BICC1: variants seen among roughly 807,000 people sequenced by gnomAD.
BICC1 encodes the protein BicC family RNA binding protein 1, also known as protein bicaudal C homolog 1.
BICC1 carries 43 observed loss-of-function variants against 111.0 expected under a neutral mutation model. The ratio of observed to expected loss-of-function variants is 0.39; its 90% CI spans 0.30 to 0.50. BICC1 has a LOEUF of 0.50. Among genes scored for constraint, BICC1 ranks in the 20% least tolerant of loss-of-function variants. BICC1 has a pLI of 0.88. For synonymous variants in BICC1, 467 were observed against 434.4 expected (o/e 1.07, Z -0.93); for missense variants, 1,091 against 1,203.2 (o/e 0.91, Z 1.38).
intron 3 of BICC1, among the ~76,000 whole-genome samples, chr10:58,737,002 G>T (rs984766062): frequency 5.3e-5 from 8 of 151,616 alleles, no homozygotes; most frequent in Admixed American, 2.6e-4. Context: ...TATTACACTA[G>T]AATATTTAAA....
chr10:58,709,295 T>C (rs1840498822), intron 3 of BICC1, among the ~76,000 whole-genome samples: 1 of 152,232 alleles, frequency 6.6e-6, no homozygotes, highest in Non-Finnish European at 1.5e-5. Context: ...CTCTTCCACA[T>C]ATGAGTGAGA....
At position 58,735,900 on chromosome 10, in the gene BICC1, T is replaced by A. The variant is rs180949481; in HGVS notation, c.307+33757T>A. ...CCCAAATAAACTTGGGATCTCCTCC[T>A]AAAATTGTCCCCACTTCAGTGTTCC... is the stretch of plus-strand genomic sequence containing the variant. On this transcript the variant is annotated intron_variant, in intron 3 of 20. Coordinates refer to ENST00000373886, the MANE Select transcript of BICC1 (RefSeq NM_001080512.3). Among the ~76,000 whole-genome samples the A allele has an allele frequency of 2.5e-3, 387 of 152,326 alleles. 3 individuals are homozygous for A. The highest frequency in any genetic ancestry group is 8.8e-3 in the African/African-American group (364 of 41,586).
chr10:58,740,174 G>A (rs1841612803), intron 3 of BICC1, among the ~76,000 whole-genome samples: 1 of 152,152 alleles, frequency 6.6e-6, no homozygotes, highest in South Asian at 2.1e-4. Flanking sequence ...CTGGCACTAG[G>A]CTCCCAGGGA....
chr10:58,803,454 A>G (rs541554463), intron 15 of BICC1, among the ~76,000 whole-genome samples: 2 of 152,358 alleles, frequency 1.3e-5, no homozygotes, highest in Admixed American at 6.5e-5. Flanking sequence ...TCTTTAAAAT[A>G]TATTAAAAAT....
At chr10:58,769,209 A>G (rs1564603243) in intron 3 of BICC1, among the ~76,000 whole-genome samples, 1 of 151,722 alleles carries the variant, frequency 6.6e-6, no homozygotes, top group Admixed American at 6.6e-5. Context: ...TTGGAGACCT[A>G]GTGTACAGTG....
intron 3 of BICC1, among the ~76,000 whole-genome samples, chr10:58,721,004 C>A (rs1840921653): frequency 6.6e-6 from 1 of 152,146 alleles, no homozygotes; most frequent in Admixed American, 6.5e-5. Context: ...ATCTCAAGGG[C>A]CTGATCTGTG....
At chr10:58,769,662 T>C (rs1842569557) in intron 3 of BICC1, among the ~76,000 whole-genome samples, 1 of 151,918 alleles carries the variant, frequency 6.6e-6, no homozygotes, top group Non-Finnish European at 1.5e-5. Context: ...TATATTTACA[T>C]AAACAGTTCT....
chr10:58,655,368 G>C (rs999987027), intron 2 of BICC1, among the ~76,000 whole-genome samples: 2 of 126,982 alleles, frequency 1.6e-5, no homozygotes, highest in African/African-American at 6.0e-5. Context: ...TTGAGCAGTG[G>C]TTTGTAGTTC....
chr10:58,800,550 G>T (rs559686753), intron 13 of BICC1, among the ~76,000 whole-genome samples: 1 of 152,156 alleles, frequency 6.6e-6, no homozygotes, highest in Admixed American at 6.5e-5. Flanking sequence ...CCATTACATT[G>T]TAAGTTCCTG....
At chr10:58,659,364 A>G (rs191862494) in intron 2 of BICC1, among the ~76,000 whole-genome samples, 120 of 152,334 alleles carry the variant, frequency 7.9e-4, no homozygotes, top group African/African-American at 2.7e-3. Flanking sequence ...GGATAAAGAA[A>G]ATGTGGTACA....
At chr10:58,592,957 G>A (rs66741422) in intron 1 of BICC1, among the ~76,000 whole-genome samples, 37,117 of 149,312 alleles carry the variant, frequency 0.25, 5,112 homozygotes, top group East Asian at 0.46. Context: ...CCCTGACAGA[G>A]CCCAGCACAC....
At chr10:58,771,366 T>G (rs1004705742) in intron 3 of BICC1, among the ~76,000 whole-genome samples, 1 of 152,190 alleles carries the variant, frequency 6.6e-6, no homozygotes. Context: ...GTTCTAAAAC[T>G]TGATACATAG....
chr10:58,728,350 C>G (rs756598402), intron 3 of BICC1, among the ~76,000 whole-genome samples: 20 of 152,192 alleles, frequency 1.3e-4, no homozygotes, highest in Non-Finnish European at 2.5e-4. Context: ...GACAAAGAAC[C>G]CATGTTCTTT....
chr10:58,536,134 G>A (rs1842820565), intron 1 of BICC1, among the ~76,000 whole-genome samples: 6 of 151,610 alleles, frequency 4.0e-5, no homozygotes. Flanking sequence ...AATAGTAGAG[G>A]GCTTTCACTC....
chr10:58,711,808 G>T (rs74149302), intron 3 of BICC1, among the ~76,000 whole-genome samples: 1,796 of 142,080 alleles, frequency 0.013, 17 homozygotes, highest in African/African-American at 0.029. Context: ...TTTTTTTTTT[G>T]TTTTTTTTTT....
chr10:58,590,878 T>C (rs1844592528), intron 1 of BICC1, among the ~76,000 whole-genome samples: 1 of 152,210 alleles, frequency 6.6e-6, no homozygotes, highest in Non-Finnish European at 1.5e-5. Context: ...TGCCAATCCT[T>C]AGGAAACAGT....
chr10:58,651,239 C>G (rs1838438811), intron 2 of BICC1, among the ~76,000 whole-genome samples: 1 of 152,166 alleles, frequency 6.6e-6, no homozygotes, highest in Admixed American at 6.5e-5. Flanking sequence ...GGTTGTCTGT[C>G]TTGGTTTTAT....
intron 2 of BICC1, among the ~76,000 whole-genome samples, chr10:58,629,323 T>G (rs2132167320): frequency 6.6e-6 from 1 of 152,312 alleles, no homozygotes; most frequent in East Asian, 1.9e-4. Flanking sequence ...GATTGATTTT[T>G]TTTTTTCAAG....
intron 1 of BICC1, among the ~76,000 whole-genome samples, chr10:58,568,722 C>T (rs1589106348): frequency 6.6e-6 from 1 of 152,194 alleles, no homozygotes; most frequent in Non-Finnish European, 1.5e-5. Flanking sequence ...GACATCTTCA[C>T]ATTTTTTCCT....
Sources: allele counts gnomAD v4.1 joint callset (sites outside exome capture counted in the v4.1 genomes callset), GRCh38; gene constraint gnomAD v4.1.1; transcripts MANE v1.5; gene names NCBI Gene and HGNC (gene_info 2026-07-23, HGNC 2026-07-21).